Variants in PDPR observed in about 807,000 individuals in gnomAD.
PDPR encodes the protein pyruvate dehydrogenase phosphatase regulatory subunit, mitochondrial.
In PDPR, 50 loss-of-function variants were observed where a neutral mutation model predicts 102.2. That is an observed-to-expected ratio of 0.49 (90% CI 0.39 to 0.62). The LOEUF (loss-of-function observed/expected upper bound fraction) is 0.62, where lower values mean the gene tolerates loss of function less well. Among genes scored for constraint, PDPR ranks in the 20% least tolerant of loss-of-function variants. The pLI is 0.00. For synonymous variants in PDPR, 259 were observed against 406.0 expected (o/e 0.64, Z 4.35); for missense variants, 625 against 1,098.2 (o/e 0.57, Z 6.09).
At chr16:70,135,879 CCAT>C (rs1373683246) in intron 9 of PDPR, among the ~76,000 whole-genome samples, 2 of 152,348 alleles carry the variant, frequency 1.3e-5, no homozygotes, top group Non-Finnish European at 2.9e-5. Flanking sequence ...ACTAGTGTGG[CCAT>C]CATGGTGAAA....
At chr16:70,162,742 C>T (rs1967906241), downstream of PDPR, among the ~76,000 whole-genome samples, 1 of 152,386 alleles carries the variant, frequency 6.6e-6, no homozygotes, top group South Asian at 2.1e-4. Flanking sequence ...CTTCCCGCCT[C>T]CTGAAATTCC....
At chr16:70,140,240 C>T (rs1293444548) in intron 11 of PDPR, among the ~76,000 whole-genome samples, 2 of 152,250 alleles carry the variant, frequency 1.3e-5, no homozygotes, top group African/African-American at 4.8e-5. Flanking sequence ...ACTTGGGAGG[C>T]TGAGGTAGGC....
chr16:70,125,432 T>G (rs1294927154), intron 3 of PDPR, among the ~76,000 whole-genome samples: 1 of 151,386 alleles, frequency 6.6e-6, no homozygotes, highest in Non-Finnish European at 1.5e-5. Flanking sequence ...CACACACCTG[T>G]AATCCCTGCT....
chr16:70,125,202 C>T (rs1308057875), intron 3 of PDPR, among the ~76,000 whole-genome samples: 1 of 152,226 alleles, frequency 6.6e-6, no homozygotes, highest in African/African-American at 2.4e-5. Flanking sequence ...CATGGCAAAA[C>T]CCCATCTCTA....
intron 11 of PDPR, among the ~76,000 whole-genome samples, chr16:70,141,061 T>C (rs535892913): frequency 6.6e-6 from 1 of 151,420 alleles, no homozygotes; most frequent in Non-Finnish European, 1.5e-5. Context: ...GGAAATGAAT[T>C]TTTTTTTTTT....
chr16:70,158,742 C>G lies in PDPR; in HGVS notation c.*1863C>G, dbSNP rs796796776. On this transcript the variant is annotated 3_prime_UTR_variant, in exon 19 of 19. Transcript: ENST00000288050. The stretch of plus-strand genomic sequence containing the variant: ...ACCAGTGAACACCAGCTGTGAAGGC[C>G]TTGGGAGAGGAGGAACAGGCCCTTG... The G allele has an allele frequency of 6.5e-6, 1 of 153,188 alleles. No homozygotes were observed. Among genetic ancestry groups the G allele is most frequent in the Non-Finnish European group, 1.5e-5 (1 of 68,766 alleles). 9.5% of individuals were successfully genotyped at this position (153,188 alleles called of 1,614,324 possible). A position where few individuals can be genotyped will look rare whatever the true frequency, so the allele number is the denominator to read the frequency against.
chr16:70,120,892 T>C (rs1270335301), intron 3 of PDPR, among the ~76,000 whole-genome samples, 173 bp downstream of exon 3: 7 of 152,120 alleles, frequency 4.6e-5, no homozygotes, highest in Non-Finnish European at 1.0e-4. Flanking sequence ...ATAATGCTCA[T>C]GTTCTCTGGT....
chr16:70,152,342 A>G (rs11647497), intron 17 of PDPR, among the ~76,000 whole-genome samples: 20,589 of 145,318 alleles, frequency 0.14, 2 homozygotes, highest in African/African-American at 0.16. Context: ...AACATGGCGA[A>G]ACCTCGTCTC....
intron 9 of PDPR, 72 bp downstream of exon 9, chr16:70,132,372 A>G (rs1964627843): frequency 2.1e-6 from 3 of 1,449,028 alleles, no homozygotes; most frequent in Non-Finnish European, 2.9e-6. Context: ...AGTATTTTGA[A>G]GAATAGTTCC....
chr16:70,134,568 A>G (rs1170935282), intron 9 of PDPR, among the ~76,000 whole-genome samples: 156 of 148,550 alleles, frequency 1.1e-3, no homozygotes, highest in African/African-American at 3.1e-3. Flanking sequence ...CAAGGCGGGC[A>G]GATCGCCTGA....
At chr16:70,156,426 C>A in intron 18 of PDPR, 49 bp from the exon 19 acceptor site, 1 of 1,597,618 alleles carries the variant, frequency 6.3e-7, no homozygotes, top group South Asian at 1.1e-5. Flanking sequence ...CTCTCTGTGC[C>A]GAGGGTCTGA....
intron 4 of PDPR, 123 bp from the exon 5 acceptor site, chr16:70,128,661 A>T (rs1376681839): frequency 2.2e-5 from 35 of 1,555,710 alleles, no homozygotes; most frequent in Non-Finnish European, 3.0e-5. Context: ...TACCTGCCCA[A>T]GGATATTGAG....
Position 70,148,614 on chromosome 16 carries a change from T to C in PDPR, c.2052+61T>C. 8 of 1,206,792 alleles carry C rather than the reference T, an allele frequency of 6.6e-6. No homozygotes were observed. In the South Asian group the frequency reaches 9.2e-5, roughly 14 times the overall value. The allele number at this position is 1,206,792 out of a possible 1,614,324, so 74.8% of individuals were successfully genotyped here. The stretch of plus-strand genomic sequence containing the variant: ...TCCCTTCCCTTCCCTTCCCTTCCCT[T>C]CCCACAACCACTGTGGGGTGCCAGT... On this transcript the variant is annotated intron_variant, in intron 17 of 18. Transcript: ENST00000288050.
intron 3 of PDPR, among the ~76,000 whole-genome samples, chr16:70,126,988 G>T (rs192000030): frequency 6.6e-6 from 1 of 152,372 alleles, no homozygotes; most frequent in East Asian, 1.9e-4. Context: ...GGGACTGCAG[G>T]CATGTGCTAC....
At position 70,158,017 on chromosome 16, in the gene PDPR, C is replaced by A; in HGVS notation, c.*1138C>A. 1 of 153,460 alleles carries A rather than the reference C, an allele frequency of 6.5e-6. No homozygotes were observed. The allele number at this position is 153,460 out of a possible 1,614,324, so 9.5% of individuals were successfully genotyped here. A position where few individuals can be genotyped will look rare whatever the true frequency, so the allele number is the denominator to read the frequency against. ...AGAGCAGAGCTACACAGAGGTGACC[C>A]ACGTTAGTCCACTGAGAGTTCTGAG... On this transcript the variant is annotated 3_prime_UTR_variant, in exon 19 of 19. Transcript: ENST00000288050.
chr16:70,147,952 C>T (rs904500209), intron 16 of PDPR, among the ~76,000 whole-genome samples: 2 of 152,216 alleles, frequency 1.3e-5, no homozygotes, highest in South Asian at 2.1e-4. Context: ...ACGGTGATTG[C>T]GTCAGTGGCC....
chr16:70,149,940 G>A (rs1019300172), intron 17 of PDPR, among the ~76,000 whole-genome samples: 23 of 152,126 alleles, frequency 1.5e-4, no homozygotes, highest in Non-Finnish European at 2.5e-4. Context: ...ACAGGCGCCT[G>A]CCACCACGCC....
At chr16:70,141,051 GGAA>G (rs1433541861) in intron 11 of PDPR, among the ~76,000 whole-genome samples, 1 of 152,200 alleles carries the variant, frequency 6.6e-6, no homozygotes, top group African/African-American at 2.4e-5. Context: ...AGACCTTAAG[GGAA>G]ATGAATTTTT....
At chr16:70,149,903 G>T (rs1178947061) in intron 17 of PDPR, among the ~76,000 whole-genome samples, 1 of 152,138 alleles carries the variant, frequency 6.6e-6, no homozygotes, top group Non-Finnish European at 1.5e-5. Flanking sequence ...CCATTCTCCT[G>T]CCTCAGCCTC....
Sources: allele counts gnomAD v4.1 joint callset (sites outside exome capture counted in the v4.1 genomes callset), GRCh38; gene constraint gnomAD v4.1.1; transcripts MANE v1.5; gene names NCBI Gene and HGNC (gene_info 2026-07-23, HGNC 2026-07-21).